Variants in ABL1 observed in about 807,000 individuals in gnomAD.
The protein encoded by ABL1 is ABL proto-oncogene 1, non-receptor tyrosine kinase.
In ABL1, 11 loss-of-function variants were observed where a neutral mutation model predicts 94.7. The ratio of observed to expected loss-of-function variants is 0.12; its 90% CI spans 0.07 to 0.19. ABL1 has a LOEUF of 0.19. Ranked by LOEUF, ABL1 falls within the 10% of genes least tolerant of loss-of-function variation. The probability of loss-of-function intolerance (pLI) is 1.00; values close to 1 mark genes in which losing one functional copy is unlikely to be tolerated. For synonymous variants in ABL1, 656 were observed against 622.4 expected (o/e 1.05, Z -0.80); for missense variants, 1,082 against 1,489.4 (o/e 0.73, Z 4.50).
At chr9:130,815,337 T>C (rs901879084) in intron 1 of ABL1, among the ~76,000 whole-genome samples, 1 of 152,000 alleles carries the variant, frequency 6.6e-6, no homozygotes, top group African/African-American at 2.4e-5. Flanking sequence ...CTCAAAATAA[T>C]GAAATAAAAA....
chr9:130,812,952 G>A (rs912794422), intron 1 of ABL1, among the ~76,000 whole-genome samples: 6 of 152,214 alleles, frequency 3.9e-5, no homozygotes, highest in Non-Finnish European at 8.8e-5. Flanking sequence ...GTTGGCTCAC[G>A]CCTGTAATCC....
intron 1 of ABL1, among the ~76,000 whole-genome samples, chr9:130,742,089 C>G (rs953069003): frequency 1.3e-5 from 2 of 151,782 alleles, no homozygotes; most frequent in Non-Finnish European, 2.9e-5. Context: ...TGTTGTGGTG[C>G]GAGGCTCAGT....
intron 1 of ABL1, among the ~76,000 whole-genome samples, chr9:130,776,572 A>G (rs1832313743): frequency 8.5e-6 from 1 of 118,152 alleles, no homozygotes; most frequent in Non-Finnish European, 1.9e-5. Context: ...GTGAGACTCT[A>G]TCTCAAAAAA....
At chr9:130,867,688 C>T (rs950039405) in intron 4 of ABL1, among the ~76,000 whole-genome samples, 4 of 152,232 alleles carry the variant, frequency 2.6e-5, no homozygotes, top group African/African-American at 9.6e-5. Context: ...AGAAGAAGGG[C>T]AGTCGTACCC....
At chr9:130,836,085 G>A (rs1237587885) in intron 1 of ABL1, among the ~76,000 whole-genome samples, 2 of 152,232 alleles carry the variant, frequency 1.3e-5, no homozygotes, top group Admixed American at 1.3e-4. Context: ...AGAATTTCAA[G>A]TGATCTTTCC....
At chr9:130,804,919 A>C (rs1406687268) in intron 1 of ABL1, among the ~76,000 whole-genome samples, 1 of 152,244 alleles carries the variant, frequency 6.6e-6, no homozygotes, top group Non-Finnish European at 1.5e-5. Flanking sequence ...TAGGGGGACC[A>C]AGAGGGAGGT....
At chr9:130,713,257 C>T (rs1424113450) in exon 1 of ABL1, among the ~76,000 whole-genome samples, 1 of 152,110 alleles carries the variant, frequency 6.6e-6, no homozygotes, top group Non-Finnish European at 1.5e-5. Context: ...GTGTCTCGGG[C>T]AGAGACCCCC....
intron 1 of ABL1, among the ~76,000 whole-genome samples, chr9:130,736,483 A>G (rs1307808041): frequency 2.0e-5 from 3 of 151,838 alleles, no homozygotes; most frequent in Non-Finnish European, 4.4e-5. Context: ...GAGGTTGAAC[A>G]TTGTTTTGTT....
rs138446676 is a variant in ABL1 at position 130,730,046 on chromosome 9, C to CTTTTTTTTT, written c.136+15597_136+15605dup. 5.6e-5 allele frequency among the ~76,000 whole-genome samples: 6 copies of CTTTTTTTTT among 107,168 alleles called. 1 individual carries two copies. Among genetic ancestry groups the CTTTTTTTTT allele is most frequent in the African/African-American group, 2.0e-4 (5 of 25,478 alleles). The allele number at this position is 107,168 out of a possible 152,430, so 70.3% of individuals were successfully genotyped here. A position where few individuals can be genotyped will look rare whatever the true frequency, so the allele number is the denominator to read the frequency against. On this transcript the variant is annotated intron_variant, in intron 1 of 10. Coordinates refer to the ABL1 transcript ENST00000372348. ...GCGTGAGCCACTGCGCCCAGCCAGA[C>CTTTTTTTTT]TTTTTTTTTTTTTTGAGATGGAATT... is the stretch of plus-strand genomic sequence containing the variant.
chr9:130,790,636 T>A lies in ABL1; in HGVS notation c.137-63428T>A, dbSNP rs2855182. 8.9e-3 allele frequency among the ~76,000 whole-genome samples: 1,350 copies of A among 151,764 alleles called. 9 individuals carry two copies. The highest frequency in any genetic ancestry group is 0.02 in the Middle Eastern group (6 of 294). On this transcript the variant is annotated intron_variant, in intron 1 of 10. Coordinates refer to the ABL1 transcript ENST00000372348. ...CATTAATTACCACACCTAGTATTTT[T>A]TTTTTATTTTTATTTTTTGTAGCAA...
intron 1 of ABL1, among the ~76,000 whole-genome samples, chr9:130,840,710 G>GGTC (rs1362557670): frequency 1.3e-5 from 2 of 151,612 alleles, no homozygotes; most frequent in East Asian, 4.0e-4. Context: ...AATAGAGATG[G>GGTC]GTCTCACTAT....
At position 130,842,898 on chromosome 9, in the gene ABL1, A is replaced by G. The variant is rs1410451917; in HGVS notation, c.79+7373A>G. Among the ~76,000 whole-genome samples the G allele has an allele frequency of 4.6e-5, 7 of 152,210 alleles. No individual in the cohort carries two copies. The East Asian group carries it at 7.7e-4, about 17-fold the overall frequency. ...GAGCTCACTGTGGTGTCTGTTAGGA[A>G]TCTGGAGCAAATCCTATTTCTTTTG... On this transcript the variant is annotated intron_variant, in intron 1 of 10. Coordinates refer to ENST00000318560, the MANE Select transcript of ABL1 (RefSeq NM_005157.6).
chr9:130,729,118 C>A (rs953662498), intron 1 of ABL1, among the ~76,000 whole-genome samples: 1 of 152,124 alleles, frequency 6.6e-6, no homozygotes, highest in African/African-American at 2.4e-5. Context: ...AGACACCCGG[C>A]CCTTAGAATA....
At chr9:130,786,985 G>A (rs1367430694) in intron 1 of ABL1, among the ~76,000 whole-genome samples, 3 of 152,128 alleles carry the variant, frequency 2.0e-5, no homozygotes, top group Admixed American at 1.3e-4. Flanking sequence ...TTAGGTCAGG[G>A]CCACCATGGC....
At chr9:130,747,951 G>C (rs1831908066) in intron 1 of ABL1, among the ~76,000 whole-genome samples, 2 of 152,180 alleles carry the variant, frequency 1.3e-5, no homozygotes, top group African/African-American at 4.8e-5. Context: ...GTTAGTATGT[G>C]TTTAATTTCA....
chr9:130,877,916 C>T (rs1831378413), intron 7 of ABL1, among the ~76,000 whole-genome samples: 1 of 151,584 alleles, frequency 6.6e-6, no homozygotes, highest in Non-Finnish European at 1.5e-5. Context: ...GGGTTCACAC[C>T]ATTCTCCTGC....
At chr9:130,741,593 C>T (rs1432904942) in intron 1 of ABL1, among the ~76,000 whole-genome samples, 1 of 151,586 alleles carries the variant, frequency 6.6e-6, no homozygotes, top group Non-Finnish European at 1.5e-5. Flanking sequence ...GTAACAGTTA[C>T]AGCACTGGTA....
At chr9:130,811,994 G>A (rs1307760666) in intron 1 of ABL1, among the ~76,000 whole-genome samples, 6 of 148,692 alleles carry the variant, frequency 4.0e-5, no homozygotes, top group African/African-American at 1.5e-4. Flanking sequence ...AACTAAACAG[G>A]AAAAGCAAAC....
At chr9:130,751,434 C>T (rs755089563) in intron 1 of ABL1, among the ~76,000 whole-genome samples, 3 of 152,010 alleles carry the variant, frequency 2.0e-5, no homozygotes, top group Non-Finnish European at 4.4e-5. Context: ...TGAACCACCG[C>T]GCCTGGCCAA....
Sources: allele counts gnomAD v4.1 joint callset (sites outside exome capture counted in the v4.1 genomes callset), GRCh38; gene constraint gnomAD v4.1.1; transcripts MANE v1.5; gene names NCBI Gene and HGNC (gene_info 2026-07-23, HGNC 2026-07-21).